IMPG1: variants seen among roughly 807,000 people sequenced by gnomAD.
The protein encoded by IMPG1 is interphotoreceptor matrix proteoglycan 1.
IMPG1 carries 85 observed loss-of-function variants against 92.0 expected under a neutral mutation model. The observed-to-expected ratio is 0.92, with a 90% confidence interval of 0.78 to 1.11. The LOEUF is 1.11. IMPG1 is among the 50% of genes least tolerant of loss of function. The pLI is 0.00. For synonymous variants in IMPG1, 367 were observed against 334.1 expected (o/e 1.10, Z -1.08); for missense variants, 1,022 against 956.0 (o/e 1.07, Z -0.91).
At chr6:76,019,040 G>A (rs1783367400) in intron 6 of IMPG1, among the ~76,000 whole-genome samples, 182 bp from the exon 7 acceptor site, 1 of 152,148 alleles carries the variant, frequency 6.6e-6, no homozygotes, top group Admixed American at 6.5e-5. Context: ...GAGAAAATTT[G>A]TGCTTAAATT....
Position 76,055,757 on chromosome 6 carries a change from A to C in IMPG1, c.68-13631T>G, listed in dbSNP as rs190916556. Among the ~76,000 whole-genome samples, 636 of 152,188 alleles carry C rather than the reference A, an allele frequency of 4.2e-3. 6 individuals are homozygous for C. The highest frequency in any genetic ancestry group is 0.015 in the African/African-American group (603 of 41,580). The stretch of plus-strand genomic sequence containing the variant: ...AGACTTTCTACAAAATGTTCTATAA[A>C]CATAAAAAAGTTAACAAGACGATAT... On this transcript the variant is annotated intron_variant, in intron 1 of 16. Coordinates refer to ENST00000369950, the MANE Select transcript of IMPG1 (RefSeq NM_001563.4).
At chr6:76,018,968 A>C in intron 6 of IMPG1, 110 bp from the exon 7 acceptor site, 1 of 1,015,390 alleles carries the variant, frequency 9.8e-7, no homozygotes, top group South Asian at 2.1e-5. Context: ...ATGAAGGCTT[A>C]AGTGTTTTGC....
At chr6:76,024,805 A>G in intron 5 of IMPG1, 1 of 312,866 alleles carries the variant, frequency 3.2e-6, no homozygotes, top group South Asian at 2.8e-5. Context: ...AGTCATTAAA[A>G]TGATAACTTT....
rs1388791638 is a variant in IMPG1, at chr6:75,924,647, A to ATATATAATATATAATAT, written c.2244-942_2244-941insATATTATATATTATATA. Among the ~76,000 whole-genome samples the ATATATAATATATAATAT allele has an allele frequency of 7.0e-3, 24 of 3,406 alleles. 4 individuals carry two copies. Among genetic ancestry groups the ATATATAATATATAATAT allele is most frequent in the African/African-American group, 0.011 (24 of 2,282 alleles). 2.2% of individuals were successfully genotyped at this position (3,406 alleles called of 152,430 possible). A position where few individuals can be genotyped will look rare whatever the true frequency, so the allele number is the denominator to read the frequency against. ...AATAAATTATATATTATATATAATTAATTATATATAATATATAATAAATTA... is the reference window on the plus strand; with the variant it reads ...AATAAATTATATATTATATATAATTATATATAATATATAATATATTATATATAATATATAATAAATTA... On this transcript the variant is annotated intron_variant, in intron 15 of 16. Coordinates refer to ENST00000369950, the MANE Select transcript of IMPG1 (RefSeq NM_001563.4).
chr6:75,929,561 A>T (rs1260412183), intron 15 of IMPG1, among the ~76,000 whole-genome samples: 2 of 38,246 alleles, frequency 5.2e-5, no homozygotes, highest in Non-Finnish European at 9.6e-5. Context: ...GGGTGGGGGG[A>T]GGGGGGAGGG....
chr6:75,987,243 CCT>C (rs1369602950), intron 12 of IMPG1, among the ~76,000 whole-genome samples: 1 of 151,842 alleles, frequency 6.6e-6, no homozygotes, highest in Non-Finnish European at 1.5e-5. Flanking sequence ...GACTTTTTAT[CCT>C]CTGTCATTGC....
intron 2 of IMPG1, among the ~76,000 whole-genome samples, chr6:76,037,298 G>A (rs1783758132): frequency 1.3e-5 from 2 of 152,274 alleles, no homozygotes; most frequent in South Asian, 2.1e-4. Flanking sequence ...GCAGCAACCT[G>A]ACCAGAACCT....
At chr6:75,974,778 A>G (rs1410084019) in intron 12 of IMPG1, among the ~76,000 whole-genome samples, 1 of 152,076 alleles carries the variant, frequency 6.6e-6, no homozygotes, top group Non-Finnish European at 1.5e-5. Flanking sequence ...GGCCTCCTAA[A>G]GTGCTGGGAC....
In IMPG1 at chr6:76,014,840, G is replaced by A. The variant is rs191086029; in HGVS notation, c.808-3616C>T. Among the ~76,000 whole-genome samples, 7 of 152,274 alleles carry A rather than the reference G, an allele frequency of 4.6e-5. No individual in the cohort carries two copies. In the East Asian group the frequency reaches 1.2e-3, roughly 25 times the overall value. On this transcript the variant is annotated intron_variant, in intron 7 of 16. Transcript: ENST00000369950. The stretch of plus-strand genomic sequence containing the variant: ...TTGGCTTGGGTGGAAGGGATTTATT[G>A]TTTATGTCCATGCCCTCTTTGTGAA...
At chr6:75,964,545 C>T (rs1047277344) in intron 12 of IMPG1, among the ~76,000 whole-genome samples, 5 of 151,794 alleles carry the variant, frequency 3.3e-5, no homozygotes, top group East Asian at 1.9e-4. Context: ...GGTGTGGTGG[C>T]GGGCGCCTGT....
At chr6:76,024,347 G>A (rs957886314) in intron 5 of IMPG1, among the ~76,000 whole-genome samples, 10 of 152,092 alleles carry the variant, frequency 6.6e-5, no homozygotes, top group Non-Finnish European at 1.2e-4. Flanking sequence ...ATGAACTGGG[G>A]AACACATTGC....
intron 14 of IMPG1, among the ~76,000 whole-genome samples, chr6:75,932,100 A>C (rs1781677263): frequency 6.6e-6 from 1 of 152,248 alleles, no homozygotes; most frequent in African/African-American, 2.4e-5. Context: ...TATTATGTGC[A>C]AAGAGCTAGG....
chr6:76,047,082 TG>T (rs1362796106), intron 1 of IMPG1, among the ~76,000 whole-genome samples: 2 of 152,212 alleles, frequency 1.3e-5, no homozygotes, highest in East Asian at 3.8e-4. Flanking sequence ...AGAGTGTTTT[TG>T]TTACCAGCAT....
chr6:76,067,375 A>T (rs1219826210), intron 1 of IMPG1, among the ~76,000 whole-genome samples: 1 of 152,154 alleles, frequency 6.6e-6, no homozygotes, highest in African/African-American at 2.4e-5. Context: ...ATACCACAGA[A>T]ATACAAAAGA....
chr6:75,966,475 C>G (rs1450305826), intron 12 of IMPG1, among the ~76,000 whole-genome samples: 1 of 152,132 alleles, frequency 6.6e-6, no homozygotes, highest in African/African-American at 2.4e-5. Flanking sequence ...GCTCTCACCC[C>G]CTCCTGCTCT....
intron 4 of IMPG1, 77 bp downstream of exon 4, chr6:76,034,238 T>A: frequency 2.2e-6 from 3 of 1,350,298 alleles, no homozygotes; most frequent in Non-Finnish European, 2.1e-6. Flanking sequence ...ACAGGTAGAA[T>A]AGCTTAGTTT....
intron 15 of IMPG1, 24 bp downstream of exon 15, chr6:75,930,929 G>C (rs1405953282): frequency 6.3e-7 from 1 of 1,599,360 alleles, no homozygotes. Context: ...TCTTGAGTCT[G>C]TGACGTTAGC....
At chr6:76,001,727 C>T (rs912624513) in intron 12 of IMPG1, among the ~76,000 whole-genome samples, 4 of 152,148 alleles carry the variant, frequency 2.6e-5, no homozygotes, top group African/African-American at 9.7e-5. Context: ...CAACATGGAG[C>T]AGAGAAAAGC....
chr6:76,009,341 A>G (rs899097253), intron 8 of IMPG1, among the ~76,000 whole-genome samples: 12 of 152,218 alleles, frequency 7.9e-5, no homozygotes, highest in Admixed American at 5.2e-4. Context: ...GTTGAATTCA[A>G]TGAAGTCACT....
Sources: gnomAD v4.1 joint callset for allele counts (sites outside exome capture counted in the v4.1 genomes callset) on GRCh38, gnomAD v4.1.1 for gene constraint, MANE v1.5 for transcripts, NCBI Gene and HGNC (gene_info 2026-07-23, HGNC 2026-07-21) for gene names.